Variants in CHSY3 observed in about 807,000 individuals in gnomAD.
The protein encoded by CHSY3 is chondroitin sulfate synthase 3, also known as N-acetylgalactosaminyl-proteoglycan 3-beta-glucuronosyltransferase 3.
A neutral mutation model predicts 67.2 loss-of-function variants in CHSY3; 35 were observed. The ratio of observed to expected loss-of-function variants is 0.52; its 90% confidence interval spans 0.40 to 0.69. The LOEUF (loss-of-function observed/expected upper bound fraction) is 0.69, where lower values mean the gene tolerates loss of function less well. Ranked by LOEUF, CHSY3 falls within the 30% of genes least tolerant of loss-of-function variation. The pLI is 0.00. For missense variants in CHSY3, 1,069 were observed against 1,138.5 expected, an observed-to-expected ratio of 0.94 and a Z score of 0.88; for synonymous variants, 474 against 434.7, an observed-to-expected ratio of 1.09 and a Z score of -1.12.
intron 2 of CHSY3, among the ~76,000 whole-genome samples, chr5:130,000,197 A>T (rs1455999727): frequency 6.6e-6 from 1 of 152,214 alleles, no homozygotes; most frequent in Non-Finnish European, 1.5e-5. Context: ...AAAGATAGGG[A>T]CATGCTAAGC....
At chr5:129,921,882 A>G (rs1314340395) in intron 2 of CHSY3, among the ~76,000 whole-genome samples, 1 of 152,122 alleles carries the variant, frequency 6.6e-6, no homozygotes, top group East Asian at 1.9e-4. Context: ...TTTAAAATAT[A>G]CGATGAACTA....
chr5:130,123,034 T>C (rs964545795), intron 2 of CHSY3, among the ~76,000 whole-genome samples: 7 of 151,650 alleles, frequency 4.6e-5, no homozygotes, highest in Non-Finnish European at 7.4e-5. Flanking sequence ...ATTGGCCATT[T>C]CTTGAATTAG....
intron 2 of CHSY3, among the ~76,000 whole-genome samples, chr5:130,038,640 A>G (rs1418975092): frequency 6.6e-6 from 1 of 152,098 alleles, no homozygotes; most frequent in Non-Finnish European, 1.5e-5. Flanking sequence ...TTTCCTCTCC[A>G]TAGTGTATTG....
At chr5:130,065,158 G>A (rs534931232) in intron 2 of CHSY3, among the ~76,000 whole-genome samples, 2 of 152,092 alleles carry the variant, frequency 1.3e-5, no homozygotes, top group East Asian at 3.9e-4. Context: ...TTTTTTTATG[G>A]TGGTTGTTTC....
chr5:129,955,078 A>G (rs558234553), intron 2 of CHSY3, among the ~76,000 whole-genome samples: 53 of 152,282 alleles, frequency 3.5e-4, no homozygotes, highest in Middle Eastern at 3.4e-3. Context: ...CATGTTGCCC[A>G]GGATGGTCTC....
intron 2 of CHSY3, among the ~76,000 whole-genome samples, chr5:129,967,975 A>G (rs1404643865): frequency 6.6e-6 from 1 of 151,792 alleles, no homozygotes; most frequent in African/African-American, 2.4e-5. Context: ...CTACAGATCC[A>G]TTTTTAATAA....
intron 2 of CHSY3, among the ~76,000 whole-genome samples, chr5:129,946,033 A>G (rs574678063): frequency 6.6e-6 from 1 of 152,302 alleles, no homozygotes; most frequent in East Asian, 1.9e-4. Context: ...CTTAGCTGTG[A>G]CTTGAATAGC....
chr5:129,987,892 C>A (rs1222366919), intron 2 of CHSY3, among the ~76,000 whole-genome samples: 1 of 152,058 alleles, frequency 6.6e-6, no homozygotes, highest in Admixed American at 6.6e-5. Context: ...TAAGTAATTT[C>A]TTTTGATTTA....
At chr5:130,039,733 C>T (rs571531177) in intron 2 of CHSY3, among the ~76,000 whole-genome samples, 1 of 152,164 alleles carries the variant, frequency 6.6e-6, no homozygotes, top group South Asian at 2.1e-4. Flanking sequence ...GTGCCTCAGC[C>T]TCCCAAGGTG....
intron 2 of CHSY3, chr5:130,052,154 G>GT (rs759383690): frequency 1.3e-5 from 2 of 152,130 alleles, no homozygotes; most frequent in Admixed American, 6.6e-5. Flanking sequence ...TCTGCATGGT[G>GT]TAGCCCCATA....
At chr5:130,107,591 G>A (rs559032019) in intron 2 of CHSY3, among the ~76,000 whole-genome samples, 1 of 151,576 alleles carries the variant, frequency 6.6e-6, no homozygotes, top group South Asian at 2.1e-4. Flanking sequence ...TTGCAAATGT[G>A]CTGTTAGCTT....
chr5:129,952,551 G>T (rs983217482), intron 2 of CHSY3, among the ~76,000 whole-genome samples: 2 of 152,140 alleles, frequency 1.3e-5, no homozygotes, highest in African/African-American at 4.8e-5. Flanking sequence ...ACACATTTGA[G>T]GAGTCATATT....
chr5:129,940,353 G>A (rs546531039), intron 2 of CHSY3, among the ~76,000 whole-genome samples: 56 of 152,052 alleles, frequency 3.7e-4, no homozygotes, highest in Non-Finnish European at 6.0e-4. Context: ...TCATTCTCAG[G>A]ATTTGTAGTG....
At chr5:130,175,942 G>A (rs1421428389) in intron 2 of CHSY3, among the ~76,000 whole-genome samples, 1 of 152,100 alleles carries the variant, frequency 6.6e-6, no homozygotes, top group Non-Finnish European at 1.5e-5. Flanking sequence ...ATAGGCACGG[G>A]CAAAGACTTC....
chr5:130,001,068 C>T (rs1763714341), intron 2 of CHSY3, among the ~76,000 whole-genome samples: 1 of 151,204 alleles, frequency 6.6e-6, no homozygotes, highest in African/African-American at 2.4e-5. Context: ...TTTTAGTAGA[C>T]ATGGGGATTC....
chr5:130,099,295 T>A (rs1274835308), intron 2 of CHSY3, among the ~76,000 whole-genome samples: 2 of 152,240 alleles, frequency 1.3e-5, no homozygotes, highest in East Asian at 3.8e-4. Flanking sequence ...GAGAGAATAT[T>A]TGGAAGGCAA....
In CHSY3 at chr5:130,020,442, TATATATATATA is replaced by T. The variant is rs1291444363; in HGVS notation, c.1086+112083_1086+112093del. 2.6e-4 allele frequency among the ~76,000 whole-genome samples: 14 copies of T among 54,724 alleles called. 3 individuals are homozygous for T. Among genetic ancestry groups the T allele is most frequent in the East Asian group, 9.1e-4 (2 of 2,208 alleles). 35.9% of individuals were successfully genotyped at this position (54,724 alleles called of 152,430 possible). On this transcript the variant is annotated intron_variant, in intron 2 of 2. Transcript: ENST00000305031. Reference sequence around the variant, plus strand: ...CTCAAAATATATATATATATATATATATATATATATATATATATATTTTTTTTTTTTTTTTT... The same window carrying T: ...CTCAAAATATATATATATATATATATTATATATATTTTTTTTTTTTTTTTT...
intron 2 of CHSY3, among the ~76,000 whole-genome samples, chr5:129,943,693 C>T (rs975462402): frequency 6.6e-6 from 1 of 152,028 alleles, no homozygotes; most frequent in African/African-American, 2.4e-5. Context: ...AGACAGGTAC[C>T]AGATCTAATT....
At chr5:130,110,364 A>G (rs749733521) in intron 2 of CHSY3, among the ~76,000 whole-genome samples, 12 of 151,950 alleles carry the variant, frequency 7.9e-5, no homozygotes, top group Non-Finnish European at 1.6e-4. Context: ...ATATATTCCC[A>G]CCTGATTTTC....
Sources: allele counts gnomAD v4.1 joint callset (sites outside exome capture counted in the v4.1 genomes callset), GRCh38; gene constraint gnomAD v4.1.1; transcripts MANE v1.5; gene names NCBI Gene and HGNC (gene_info 2026-07-23, HGNC 2026-07-21).